PDIA5: variants seen among roughly 807,000 people sequenced by gnomAD.
The protein encoded by PDIA5 is protein disulfide-isomerase A5.
Under a neutral mutation model 77.6 loss-of-function variants are expected in PDIA5, and 58 were observed. The ratio of observed to expected loss-of-function variants is 0.75; its 90% confidence interval spans 0.61 to 0.93. The LOEUF (loss-of-function observed/expected upper bound fraction) is 0.93, where lower values mean the gene tolerates loss of function less well. Among genes scored for constraint, PDIA5 ranks in the 40% least tolerant of loss-of-function variants. The pLI is 0.00. For missense variants in PDIA5, 630 were observed against 647.7 expected, an observed-to-expected ratio of 0.97 and a Z score of 0.30; for synonymous variants, 250 against 252.1, an observed-to-expected ratio of 0.99 and a Z score of 0.08.
Position 123,124,347 on chromosome 3 carries a change from A to G in PDIA5, c.773+4A>G. On this transcript the variant is annotated splice_donor_region_variant and intron_variant, in intron 10 of 16. Transcript: ENST00000316218. ...ACATTGTGGAGTGGCTGAAGAAGTAAGTGGGGTGTGTGTGTGTCAGTGGGC... is the reference window on the plus strand; with the variant it reads ...ACATTGTGGAGTGGCTGAAGAAGTAGGTGGGGTGTGTGTGTGTCAGTGGGC... 6.2e-7 allele frequency: 1 copy of G among 1,610,186 alleles called. No individual in the cohort carries two copies. Among genetic ancestry groups the G allele is most frequent in the Middle Eastern group, 1.7e-4 (1 of 6,054 alleles).
chr3:123,145,479 C>T, intron 11 of PDIA5, 43 bp from the exon 12 acceptor site: 1 of 1,517,214 alleles, frequency 6.6e-7, no homozygotes. Context: ...ATCCCGAGGG[C>T]CTCTGTGCCA....
intron 1 of PDIA5, among the ~76,000 whole-genome samples, chr3:123,072,234 C>T (rs1933741213): frequency 6.6e-6 from 1 of 152,186 alleles, no homozygotes. Context: ...GGGCTTTTAG[C>T]CAGCTAGACA....
intron 3 of PDIA5, among the ~76,000 whole-genome samples, chr3:123,101,375 G>T (rs1275465810): frequency 1.3e-5 from 2 of 152,172 alleles, no homozygotes; most frequent in Non-Finnish European, 2.9e-5. Flanking sequence ...GAAATCCATT[G>T]TTCTAACAGG....
chr3:123,155,783 G>A (rs904419269), intron 15 of PDIA5, among the ~76,000 whole-genome samples: 2 of 152,190 alleles, frequency 1.3e-5, no homozygotes, highest in Admixed American at 6.5e-5. Flanking sequence ...TGGCAGTCAC[G>A]TGGGATCTGC....
chr3:123,157,037 T>A lies in PDIA5; in HGVS notation c.1344+1996T>A, dbSNP rs1189834103. Among the ~76,000 whole-genome samples the A allele has an allele frequency of 2.0e-5, 3 of 152,226 alleles. No homozygotes were observed. In the East Asian group the frequency reaches 5.8e-4, roughly 29 times the overall value. On this transcript the variant is annotated intron_variant, in intron 15 of 16. Transcript: ENST00000316218. ...CGCTTAGACACTGACACACCTTTGC[T>A]TGATTGTCTTGGGCCAGTGGTGTTG... is the stretch of plus-strand genomic sequence containing the variant.
chr3:123,133,830 T>C (rs2107969098), intron 11 of PDIA5, among the ~76,000 whole-genome samples: 1 of 152,346 alleles, frequency 6.6e-6, no homozygotes, highest in South Asian at 2.1e-4. Context: ...TTATTTTTTA[T>C]GACTCTATGC....
chr3:123,133,483 A>C (rs981248905), intron 11 of PDIA5, among the ~76,000 whole-genome samples: 1 of 152,240 alleles, frequency 6.6e-6, no homozygotes, highest in Non-Finnish European at 1.5e-5. Context: ...AGGATTGCTG[A>C]GCTTGATGAA....
chr3:123,094,424 T>C (rs1364784706), intron 3 of PDIA5, among the ~76,000 whole-genome samples: 3 of 152,230 alleles, frequency 2.0e-5, no homozygotes, highest in Non-Finnish European at 4.4e-5. Flanking sequence ...TAGGCCACTC[T>C]AGGCGGCAGC....
intron 13 of PDIA5, among the ~76,000 whole-genome samples, chr3:123,148,412 C>CA (rs1450728311): frequency 2.0e-5 from 3 of 151,688 alleles, no homozygotes; most frequent in Admixed American, 2.0e-4. Flanking sequence ...TACCGAAAAT[C>CA]AAAAAAATTA....
intron 5 of PDIA5, among the ~76,000 whole-genome samples, chr3:123,105,739 GCACACACA>G (rs3080448): frequency 2.0e-5 from 3 of 149,860 alleles, no homozygotes; most frequent in Non-Finnish European, 4.5e-5. Flanking sequence ...CCACACACAC[GCACACACA>G]CACACACACA....
Position 123,150,320 on chromosome 3 carries a change from C to A in PDIA5, c.1229C>A (p.Thr410Asn), listed in dbSNP as rs201836953. 228 of 1,613,774 alleles carry A rather than the reference C, an allele frequency of 1.4e-4. No individual in the cohort carries two copies. Among genetic ancestry groups the A allele is most frequent in the Non-Finnish European group, 1.8e-4 (217 of 1,179,934 alleles). Residue 410 changes from threonine to asparagine, a missense_variant, in exon 14 of 17, where the codon ACC becomes AAC. Transcript: ENST00000316218. ...CTGGTGGGGGACAACTTCCGGGAGA[C>A]CCTGAAGAAGAAGAAACACACCTTG... ...LHLVGDNFRE[T>N]LKKKKHTLVM... is the part of the protein sequence containing the mutation.
At chr3:123,137,258 C>T (rs1364126243) in intron 11 of PDIA5, among the ~76,000 whole-genome samples, 1 of 152,190 alleles carries the variant, frequency 6.6e-6, no homozygotes, top group Non-Finnish European at 1.5e-5. Context: ...AGCTATCTGA[C>T]CTCTAGGGAA....
intron 14 of PDIA5, among the ~76,000 whole-genome samples, chr3:123,150,658 GCCCCTGTCC>G (rs754789126): frequency 2.0e-5 from 3 of 151,772 alleles, no homozygotes; most frequent in Non-Finnish European, 4.4e-5. Flanking sequence ...GCTCCTCCAT[GCCCCTGTCC>G]CCTACCTGCA....
chr3:123,110,322 G>C (rs1242332137), intron 6 of PDIA5, among the ~76,000 whole-genome samples: 3 of 152,176 alleles, frequency 2.0e-5, no homozygotes, highest in Admixed American at 2.0e-4. Context: ...GTAACCTCCT[G>C]GAGGGTGGAG....
At chr3:123,098,030 G>C (rs1284897274) in intron 3 of PDIA5, among the ~76,000 whole-genome samples, 1 of 152,182 alleles carries the variant, frequency 6.6e-6, no homozygotes, top group African/African-American at 2.4e-5. Context: ...TGGGAGGCGA[G>C]GAGAGAAATG....
chr3:123,073,518 T>C (rs1383386686), intron 1 of PDIA5, among the ~76,000 whole-genome samples: 1 of 152,226 alleles, frequency 6.6e-6, no homozygotes, highest in East Asian at 1.9e-4. Flanking sequence ...TCCAGTTCAC[T>C]GTCCCCTATT....
intron 3 of PDIA5, among the ~76,000 whole-genome samples, chr3:123,095,207 G>A (rs752195446): frequency 2.0e-5 from 3 of 152,174 alleles, no homozygotes; most frequent in Non-Finnish European, 4.4e-5. Context: ...GATAAGGATC[G>A]GGTAAATGAA....
At chr3:123,114,091 C>T (rs1020031257) in intron 7 of PDIA5, among the ~76,000 whole-genome samples, 1 of 152,198 alleles carries the variant, frequency 6.6e-6, no homozygotes, top group Non-Finnish European at 1.5e-5. Flanking sequence ...CTGGCCCTGC[C>T]CACAGGGACA....
intron 15 of PDIA5, among the ~76,000 whole-genome samples, chr3:123,161,008 CA>C (rs1485677389): frequency 6.6e-6 from 1 of 152,198 alleles, no homozygotes; most frequent in Non-Finnish European, 1.5e-5. Context: ...GATAGCACCA[CA>C]GAACCTGTGG....
Sources: gnomAD v4.1 joint callset for allele counts (sites outside exome capture counted in the v4.1 genomes callset) on GRCh38, gnomAD v4.1.1 for gene constraint, MANE v1.5 for transcripts, NCBI Gene and HGNC (gene_info 2026-07-23, HGNC 2026-07-21) for gene names.